Variants in TIAM1 observed in about 807,000 individuals in gnomAD.
TIAM1 encodes rho guanine nucleotide exchange factor TIAM1.
Under a neutral mutation model 163.5 loss-of-function variants are expected in TIAM1, and 65 were observed. That is an observed-to-expected ratio of 0.40 (90% CI 0.33 to 0.49). The LOEUF (loss-of-function observed/expected upper bound fraction) is 0.49. Ranked by LOEUF, TIAM1 falls within the 20% of genes least tolerant of loss-of-function variation. The pLI is 0.77. For missense variants in TIAM1, 1,789 were observed against 2,044.7 expected, an observed-to-expected ratio of 0.87 and a Z score of 2.41; for synonymous variants, 833 against 810.1, an observed-to-expected ratio of 1.03 and a Z score of -0.48.
rs1443535881 is a variant in TIAM1, at chr21:31,120,543, C to G, written c.4601G>C (p.Ser1534Thr). The change falls in exon 28 of 28, where the codon AGT becomes ACT. Residue 1534 changes from serine (S) to threonine (T), a missense_variant. Coordinates refer to ENST00000541036, the MANE Select transcript of TIAM1 (RefSeq NM_001353694.2). The surrounding 1 kb of genome is among the most constrained non-coding windows in gnomAD (Gnocchi z 4.2). ...GGTTTTCCGGCCTCTTTCCCGCTGA[C>G]TGATGGAGGTGGCCTGAAGCCGCTC... ...LQERLQATSI[S>T]QRERGRKTLD... 9 of 1,614,244 alleles carry G rather than the reference C, an allele frequency of 5.6e-6. No individual in the cohort carries two copies. The highest frequency in any genetic ancestry group is 7.6e-6 in the Non-Finnish European group (9 of 1,180,046).
intron 19 of TIAM1, among the ~76,000 whole-genome samples, chr21:31,148,372 G>A (rs573447276): frequency 3.9e-5 from 6 of 152,190 alleles, no homozygotes; most frequent in African/African-American, 9.6e-5. Flanking sequence ...TATAAAGGGC[G>A]GTTCCCCTGC....
At chr21:31,127,179 C>A in intron 25 of TIAM1, 27 bp from the exon 26 acceptor site, 2 of 1,604,526 alleles carry the variant, frequency 1.2e-6, no homozygotes, top group South Asian at 1.1e-5. Flanking sequence ...AACAATGAAT[C>A]AGGGTATGTT....
chr21:31,453,103 G>T (rs528930732), intron 2 of TIAM1: 3 of 334,666 alleles, frequency 9.0e-6, no homozygotes, highest in East Asian at 1.5e-4. Flanking sequence ...AAAGAAGGAG[G>T]AACCGAGACA....
chr21:31,148,970 TTTG>T (rs2083261294), intron 19 of TIAM1, among the ~76,000 whole-genome samples: 1 of 26,704 alleles, frequency 3.7e-5, no homozygotes, highest in African/African-American at 1.3e-4. Flanking sequence ...TTCTTTTTTT[TTTG>T]GTCAAATATA....
At chr21:31,203,969 T>C (rs2146529172) in intron 11 of TIAM1, among the ~76,000 whole-genome samples, 1 of 152,350 alleles carries the variant, frequency 6.6e-6, no homozygotes, top group Non-Finnish European at 1.5e-5. Flanking sequence ...AATTGAAATT[T>C]TCAAGGACCC....
At chr21:31,224,475 C>T (rs970669880) in intron 7 of TIAM1, among the ~76,000 whole-genome samples, 6 of 152,116 alleles carry the variant, frequency 3.9e-5, no homozygotes, top group African/African-American at 9.7e-5. Context: ...GGGAAGGAGC[C>T]GGACACAAAA....
intron 5 of TIAM1, among the ~76,000 whole-genome samples, chr21:31,245,990 A>G (rs2071481669): frequency 6.6e-6 from 1 of 152,200 alleles, no homozygotes; most frequent in Non-Finnish European, 1.5e-5. Context: ...CCCGAGGCAG[A>G]GGTCCTCCAG....
In TIAM1 at chr21:31,195,271, G is replaced by T; in HGVS notation, c.2528C>A (p.Thr843Asn). ...YKEIEICPKV[T>N]QSIHIEKSDT... ...TGACTTCTCAATGTGGATGCTCTGA[G>T]TGACTTTTGGACAGATTTCAATTTC... The change falls in exon 13 of 28, where the codon ACT (threonine) becomes AAT (asparagine). Residue 843 changes from threonine (T) to asparagine (N), a missense_variant. Around this residue, in one of 5 missense-constraint regions of TIAM1, gnomAD observed 456 missense variants for 586.6 expected, o/e 0.78. Coordinates refer to ENST00000541036, the MANE Select transcript of TIAM1 (RefSeq NM_001353694.2). 1 of 1,613,658 alleles carries T rather than the reference G, an allele frequency of 6.2e-7. No individual in the cohort carries two copies. Among genetic ancestry groups the T allele is most frequent in the Non-Finnish European group, 8.5e-7 (1 of 1,179,694 alleles).
intron 2 of TIAM1, among the ~76,000 whole-genome samples, chr21:31,445,136 G>A (rs1339462346): frequency 6.8e-6 from 1 of 148,040 alleles, no homozygotes; most frequent in Admixed American, 6.9e-5. Context: ...CCTAGCATAT[G>A]AGATACAACA....
At chr21:31,292,796 G>A (rs750772214) in intron 2 of TIAM1, among the ~76,000 whole-genome samples, 26 of 151,926 alleles carry the variant, frequency 1.7e-4, no homozygotes, top group Non-Finnish European at 3.2e-4. Context: ...AGCCCTCCAG[G>A]TAGCTGGGAT....
intron 25 of TIAM1, among the ~76,000 whole-genome samples, chr21:31,129,765 T>C (rs1034956125): frequency 5.3e-5 from 8 of 152,106 alleles, no homozygotes; most frequent in Admixed American, 2.0e-4. Context: ...GGAAAAAACA[T>C]GTGTAGTCAA....
intron 2 of TIAM1, among the ~76,000 whole-genome samples, chr21:31,424,980 G>A (rs2043732772): frequency 6.6e-6 from 1 of 151,696 alleles, no homozygotes; most frequent in South Asian, 2.1e-4. Context: ...TTGAACTGGG[G>A]AGGCAGAGGT....
intron 1 of TIAM1, among the ~76,000 whole-genome samples, chr21:31,545,412 T>C (rs1036026986): frequency 3.3e-5 from 5 of 152,144 alleles, no homozygotes; most frequent in Admixed American, 1.3e-4. Flanking sequence ...AGTCACCAGA[T>C]TGAGGTACCT....
At chr21:31,326,010 GCCCTCCAGA>G in intron 2 of TIAM1, among the ~76,000 whole-genome samples, 1 of 152,024 alleles carries the variant, frequency 6.6e-6, no homozygotes, top group South Asian at 2.1e-4. Context: ...TGTTTCTCAC[GCCCTCCAGA>G]CCCTCCAGAC....
At chr21:31,535,592 C>T (rs1047968036) in intron 1 of TIAM1, among the ~76,000 whole-genome samples, 3 of 151,918 alleles carry the variant, frequency 2.0e-5, no homozygotes, top group Non-Finnish European at 4.4e-5. Context: ...AAGAGGCTGC[C>T]CACGTAAAGG....
intron 1 of TIAM1, among the ~76,000 whole-genome samples, chr21:31,342,347 G>C (rs892081281): frequency 6.6e-6 from 1 of 151,784 alleles, no homozygotes; most frequent in African/African-American, 2.4e-5. Flanking sequence ...CTTATTTACT[G>C]GGAGAGGTGG....
chr21:31,444,429 C>T (rs571456883), intron 2 of TIAM1, among the ~76,000 whole-genome samples: 5 of 150,568 alleles, frequency 3.3e-5, no homozygotes, highest in African/African-American at 1.2e-4. Flanking sequence ...TAGAATGCCA[C>T]GATGGTTTTT....
At chr21:31,157,735 T>TTTAA (rs1223383503) in intron 16 of TIAM1, among the ~76,000 whole-genome samples, 1 of 151,974 alleles carries the variant, frequency 6.6e-6, no homozygotes, top group African/African-American at 2.4e-5. Context: ...AAGACCTGGA[T>TTTAA]TTAACATGCA....
At position 31,120,396 on chromosome 21, in the gene TIAM1, G is replaced by A. The variant is rs1246569647; in HGVS notation, c.4748C>T (p.Pro1583Leu). Reference protein sequence around the residue: ...VIWVRREDFAPSRKLNTEI With the variant: ...VIWVRREDFALSRKLNTEI Reference sequence around the variant, plus strand: ...GATCTCAGTGTTCAGTTTCCTGGAGGGGGCAAAGTCTTCACGCCTAACCCA... The same window carrying A: ...GATCTCAGTGTTCAGTTTCCTGGAGAGGGCAAAGTCTTCACGCCTAACCCA... Residue 1583 changes from proline to leucine, a missense_variant, in exon 28 of 28, where the codon CCC (proline) becomes CTC (leucine). By Grantham distance (98) the Pro-to-Leu change is moderately conservative. This residue lies in a region of TIAM1 where 415 missense variants were observed against 439.2 expected (regional missense o/e 0.94). Coordinates refer to ENST00000541036, the MANE Select transcript of TIAM1 (RefSeq NM_001353694.2). The surrounding 1 kb of genome is among the most constrained non-coding windows in gnomAD (Gnocchi z 4.2). 1 of 1,611,740 alleles carries A rather than the reference G, an allele frequency of 6.2e-7. No homozygotes were observed. The highest frequency in any genetic ancestry group is 2.2e-5 in the East Asian group (1 of 44,820).
Sources: gnomAD v4.1 joint callset for allele counts (sites outside exome capture counted in the v4.1 genomes callset) on GRCh38, gnomAD v4.1.1 for gene constraint, gnomAD v4.1.1 regional missense constraint, Gnocchi (gnomAD v3.1) non-coding constraint, MANE v1.5 for transcripts, NCBI Gene and HGNC (gene_info 2026-07-23, HGNC 2026-07-21) for gene names.